The following COQ7 variants were observed in gnomAD, a reference collection of about 807,000 sequenced individuals.
The protein encoded by COQ7 is coenzyme Q7, hydroxylase.
Under a neutral mutation model 25.0 loss-of-function variants are expected in COQ7, and 21 were observed. The observed-to-expected ratio is 0.84, with a 90% CI of 0.60 to 1.21. The LOEUF (loss-of-function observed/expected upper bound fraction) is 1.21. COQ7 is among the 50% of genes most tolerant of loss of function. The pLI, the probability that COQ7 is intolerant of heterozygous loss-of-function variation, is 0.00. For synonymous variants in COQ7, 125 were observed against 112.4 expected, an observed-to-expected ratio of 1.11 and a Z score of -0.71; for missense variants, 311 against 296.2, an observed-to-expected ratio of 1.05 and a Z score of -0.37.
At position 19,067,690 on chromosome 16, in the gene COQ7, C is replaced by G. The variant is rs753824625; in HGVS notation, c.26C>G (p.Ala9Gly). 6.2e-7 allele frequency: 1 copy of G among 1,610,000 alleles called. No individual in the cohort carries two copies. The highest frequency in any genetic ancestry group is 1.3e-5 in the African/African-American group (1 of 74,886). The change falls in exon 1 of 6, where the codon GCT becomes GGT. Residue 9 changes from alanine to glycine, a missense_variant. Ala to Gly is a moderately conservative substitution (Grantham distance 60). Transcript: ENST00000321998. MSCAGAAA[A>G]PRLWRLRPGA... The stretch of plus-strand genomic sequence containing the variant: ...ATGAGTTGCGCCGGGGCGGCGGCGG[C>G]TCCCCGCCTTTGGCGGCTGCGCCCG...
At chr16:19,068,435 T>A in intron 1 of COQ7, 1 of 979,838 alleles carries the variant, frequency 1.0e-6, no homozygotes, top group Non-Finnish European at 1.2e-6. Context: ...GAGGATCCCC[T>A]GAGGTCAGGA....
rs1268684588 is a variant in COQ7, at chr16:19,075,723, G to T, written c.370G>T (p.Ala124Ser). Residue 124 changes from alanine to serine, a missense_variant and splice_region_variant, in exon 4 of 6, where the codon GCG (alanine) becomes TCG (serine). Transcript: ENST00000321998. The stretch of plus-strand genomic sequence containing the variant: ...TGGTCTGGGTTTAACAATCCCAGGG[G>T]CGGGGACCGCCTTGCTCGGGAAGGA... ...LWNVLGFALG[A>S]GTALLGKEGA... 6.4e-7 allele frequency: 1 copy of T among 1,572,288 alleles called. No homozygotes were observed.
At position 19,075,048 on chromosome 16, in the gene COQ7, G is replaced by A. The variant is rs1278652121; in HGVS notation, c.368-673G>A. 3.9e-5 allele frequency among the ~76,000 whole-genome samples: 6 copies of A among 152,132 alleles called. No homozygotes were observed. In the South Asian group the frequency reaches 6.2e-4, roughly 16 times the overall value. On this transcript the variant is annotated intron_variant, in intron 3 of 5. Transcript: ENST00000321998. ...CCAAATGCTGACTTCTCTTGGCCAC[G>A]GTCAGGATAAAACAGCATTGAAAAG... is the stretch of plus-strand genomic sequence containing the variant.
chr16:19,068,303 A>G, intron 1 of COQ7: 1 of 990,758 alleles, frequency 1.0e-6, no homozygotes, highest in South Asian at 4.4e-5. Flanking sequence ...GAGTAGAGAG[A>G]CATGGTTTTG....
At chr16:19,082,257 A>G (rs1963111583), downstream of COQ7, among the ~76,000 whole-genome samples, 1 of 152,194 alleles carries the variant, frequency 6.6e-6, no homozygotes, top group Non-Finnish European at 1.5e-5. Context: ...GAAGATGAAA[A>G]TAGTTCTGGA....
chr16:19,077,433 G>T (rs1355405145), intron 5 of COQ7, 59 bp downstream of exon 5: 2 of 1,422,892 alleles, frequency 1.4e-6, no homozygotes, highest in Non-Finnish European at 2.0e-6. Flanking sequence ...GGCTGAAGGG[G>T]CAGGAGGTTT....
intron 2 of COQ7, 42 bp from the exon 3 acceptor site, chr16:19,073,879 C>A: frequency 6.7e-7 from 1 of 1,491,258 alleles, no homozygotes; most frequent in Non-Finnish European, 9.3e-7. Flanking sequence ...TGGGAGGCCT[C>A]TATGGAATGC....
rs1292108688 is a variant in COQ7 at position 19,078,117 on chromosome 16, G to T, written c.613G>T (p.Ala205Ser). ...TGCCGTCCTGAAGAGCATTATCCAG[G>T]CCGGATGCAGAGTGGCGATATATTT... ...AYAVLKSIIQAGCRVAIYLSE... is the reference protein window; with the variant it reads ...AYAVLKSIIQSGCRVAIYLSE... Residue 205 changes from alanine to serine, a missense_variant, in exon 6 of 6, where the codon GCC (alanine) becomes TCC (serine). Transcript: ENST00000321998. 1.2e-6 allele frequency: 2 copies of T among 1,612,120 alleles called. No homozygotes were observed. Among genetic ancestry groups the T allele is most frequent in the South Asian group, 2.2e-5 (2 of 90,760 alleles).
chr16:19,072,382 G>A (rs868028287), intron 2 of COQ7: 1 of 441,688 alleles, frequency 2.3e-6, no homozygotes, highest in African/African-American at 2.0e-5. Flanking sequence ...AAAAGGTTAA[G>A]AATCGCTCAG....
chr16:19,072,228 G>A (rs1962601096), intron 2 of COQ7, 122 bp downstream of exon 2: 10 of 1,195,900 alleles, frequency 8.4e-6, no homozygotes, highest in South Asian at 1.5e-5. Context: ...CCAGGAGAGC[G>A]AAGGTTGGTT....
At chr16:19,082,154 T>TA (rs149630019), downstream of COQ7, among the ~76,000 whole-genome samples, 1,501 of 152,316 alleles carry the variant, frequency 9.9e-3, 33 homozygotes, top group African/African-American at 0.034. Flanking sequence ...AAGGCAATCT[T>TA]ACTCAGCTAT....
At chr16:19,082,914 A>G (rs1166993436), downstream of COQ7, among the ~76,000 whole-genome samples, 1 of 152,084 alleles carries the variant, frequency 6.6e-6, no homozygotes, top group African/African-American at 2.4e-5. Context: ...ATCCATAGAA[A>G]CAGAAGGTAG....
intron 1 of COQ7, among the ~76,000 whole-genome samples, chr16:19,069,343 A>G (rs1962426726): frequency 6.6e-6 from 1 of 151,912 alleles, no homozygotes; most frequent in African/African-American, 2.4e-5. Flanking sequence ...TTTTATCCTC[A>G]TAACTCAGTA....
downstream of COQ7, among the ~76,000 whole-genome samples, chr16:19,082,119 G>A (rs559077218): frequency 3.9e-5 from 6 of 152,178 alleles, no homozygotes; most frequent in Middle Eastern, 6.8e-3. Context: ...ATCAACTGAT[G>A]AACAAAATGG....
At chr16:19,071,284 C>T (rs1034907445) in intron 1 of COQ7, among the ~76,000 whole-genome samples, 4 of 152,160 alleles carry the variant, frequency 2.6e-5, no homozygotes, top group Admixed American at 2.0e-4. Flanking sequence ...TAAAGGCACA[C>T]GCCAACACAC....
At position 19,079,070 on chromosome 16, in the gene COQ7, A is replaced by C. The variant is rs1398064925; in HGVS notation, c.*912A>C. ...GTGAGGTCATGAGAGTGGAGCCCTC[A>C]TGAATGGGATCAGTGCCTTATGAAA... On this transcript the variant is annotated 3_prime_UTR_variant, in exon 6 of 6. Coordinates refer to ENST00000321998, the MANE Select transcript of COQ7 (RefSeq NM_016138.5). The C allele has an allele frequency of 6.6e-6, 1 of 152,186 alleles. No individual in the cohort carries two copies. Among genetic ancestry groups the C allele is most frequent in the Non-Finnish European group, 1.5e-5 (1 of 68,046 alleles). 9.4% of individuals were successfully genotyped at this position (152,186 alleles called of 1,614,324 possible). A position where few individuals can be genotyped will look rare whatever the true frequency, so the allele number is the denominator to read the frequency against.
intron 1 of COQ7, among the ~76,000 whole-genome samples, chr16:19,071,249 C>T (rs1962542161): frequency 2.0e-5 from 3 of 152,320 alleles, no homozygotes; most frequent in Admixed American, 2.0e-4. Flanking sequence ...TATTCTCCTG[C>T]CTCAGCCTCC....
downstream of COQ7, among the ~76,000 whole-genome samples, chr16:19,080,659 G>A (rs1963080597): frequency 6.6e-6 from 1 of 151,908 alleles, no homozygotes; most frequent in South Asian, 2.1e-4. Context: ...TTACATTTTA[G>A]TGAATAACAT....
At chr16:19,072,395 C>G in intron 2 of COQ7, 1 of 379,934 alleles carries the variant, frequency 2.6e-6, no homozygotes, top group East Asian at 5.1e-5. Context: ...TCGCTCAGCA[C>G]AGCAGTCAAC....
Sources: gnomAD v4.1 joint callset for allele counts (sites outside exome capture counted in the v4.1 genomes callset) on GRCh38, gnomAD v4.1.1 for gene constraint, MANE v1.5 for transcripts, NCBI Gene and HGNC (gene_info 2026-07-23, HGNC 2026-07-21) for gene names.